The following MYO7A variants were observed in gnomAD, a reference collection of about 807,000 sequenced individuals.
MYO7A encodes the protein myosin VIIA.
Under a neutral mutation model 263.8 loss-of-function variants are expected in MYO7A, and 210 were observed. That is an observed-to-expected ratio of 0.80 (90% CI 0.71 to 0.89). MYO7A has a LOEUF of 0.89. MYO7A is among the 40% of genes least tolerant of loss of function. The pLI is 0.00. For missense variants in MYO7A, 2,820 were observed against 2,968.3 expected (o/e 0.95, Z 1.16); for synonymous variants, 1,239 against 1,197.3 (o/e 1.03, Z -0.72).
intron 46 of MYO7A, chr11:77,212,365 G>C: frequency 2.8e-6 from 1 of 361,622 alleles, no homozygotes; most frequent in South Asian, 2.1e-5. Flanking sequence ...TGAGAACTCA[G>C]GTCTGGGAAG....
chr11:77,173,868 T>C (rs1458878172), intron 16 of MYO7A, among the ~76,000 whole-genome samples: 1 of 151,934 alleles, frequency 6.6e-6, no homozygotes, highest in Non-Finnish European at 1.5e-5. Flanking sequence ...GAGCTCTCCC[T>C]CTAATGCAGG....
rs1555083027 is a variant in MYO7A at position 77,179,962 on chromosome 11, G to A, written c.2586+9G>A. On this transcript the variant is annotated intron_variant, in intron 21 of 48. Coordinates refer to ENST00000409709, the MANE Select transcript of MYO7A (RefSeq NM_000260.4). ...AACGCCTCAGGGCTGAGGTGAGGGA[G>A]CAAGTCCATAGCACCCACAGCTCTG... 69 of 1,516,676 alleles carry A rather than the reference G, an allele frequency of 4.5e-5. No homozygotes were observed. Among genetic ancestry groups the A allele is most frequent in the Non-Finnish European group, 6.1e-5 (69 of 1,131,222 alleles). 94.0% of individuals were successfully genotyped at this position (1,516,676 alleles called of 1,614,324 possible). A position where few individuals can be genotyped will look rare whatever the true frequency, so the allele number is the denominator to read the frequency against.
intron 44 of MYO7A, chr11:77,210,926 C>T (rs1167965011): frequency 1.9e-6 from 1 of 524,180 alleles, no homozygotes; most frequent in East Asian, 3.0e-5. Context: ...CAGACATGGC[C>T]ATGCACTCCA....
chr11:77,213,995 G>C lies in MYO7A; in HGVS notation c.6558+16G>C. ...GACGTCACTGGTGAGGGCGCATCCT[G>C]CTGGGCCTAGTGGGCTCCCTGCCTT... On this transcript the variant is annotated intron_variant, in intron 48 of 48. Transcript: ENST00000409709. 6.2e-7 allele frequency: 1 copy of C among 1,613,440 alleles called. No homozygotes were observed. The highest frequency in any genetic ancestry group is 8.5e-7 in the Non-Finnish European group (1 of 1,179,566).
At chr11:77,174,660 C>A in intron 16 of MYO7A, 96 bp from the exon 17 acceptor site, 1 of 1,355,058 alleles carries the variant, frequency 7.4e-7, no homozygotes, top group Non-Finnish European at 1.0e-6. Flanking sequence ...GTGGACTTGG[C>A]CTTTCTGAGC....
intron 17 of MYO7A, 63 bp downstream of exon 17, chr11:77,174,977 C>T: frequency 6.3e-7 from 1 of 1,585,036 alleles, no homozygotes; most frequent in Non-Finnish European, 8.6e-7. Flanking sequence ...GGCAAGGGTC[C>T]CAATTTTCTT....
At chr11:77,148,088 G>A in intron 4 of MYO7A, 138 bp downstream of exon 4, 2 of 808,214 alleles carry the variant, frequency 2.5e-6, no homozygotes, top group Non-Finnish European at 3.6e-6. Context: ...CTGTGCAGCT[G>A]GACCCCGGGG....
At position 77,182,555 on chromosome 11, in the gene MYO7A, G is replaced by A. The variant is rs1443413677; in HGVS notation, c.3240G>A (p.Lys1080=). 1 of 1,613,260 alleles carries A rather than the reference G, an allele frequency of 6.2e-7. No homozygotes were observed. The highest frequency in any genetic ancestry group is 1.3e-5 in the African/African-American group (1 of 74,954). Residue 1080 remains lysine (K), a synonymous_variant, in exon 25 of 49, where the codon AAG becomes AAA. Transcript: ENST00000409709. ...CCAAGATTTATGAGACCCTGGGCAA[G>A]AAGACGTACAAGAGGGAGCTGCAGG... ...VMTKIYETLG[K]KTYKRELQAL... is the part of the protein sequence containing the mutation.
chr11:77,180,589 T>G, intron 22 of MYO7A, 108 bp downstream of exon 22: 2 of 973,396 alleles, frequency 2.1e-6, no homozygotes, highest in Non-Finnish European at 3.1e-6. Flanking sequence ...CTTCCATCCT[T>G]CAGAATGGCC....
At chr11:77,167,809 G>A (rs1418800285) in intron 15 of MYO7A, among the ~76,000 whole-genome samples, 2 of 152,104 alleles carry the variant, frequency 1.3e-5, no homozygotes, top group Non-Finnish European at 2.9e-5. Context: ...CAGGAGCAAG[G>A]AGCTTGTCTG....
At chr11:77,193,831 G>A (rs1352560058) in intron 31 of MYO7A, among the ~76,000 whole-genome samples, 4 of 152,134 alleles carry the variant, frequency 2.6e-5, no homozygotes, top group African/African-American at 7.2e-5. Flanking sequence ...TTGGCTCTCT[G>A]AACCCTCTGC....
In MYO7A at chr11:77,179,957, AG is replaced by A; in HGVS notation, c.2586+7del. The A allele has an allele frequency of 6.6e-7, 1 of 1,518,864 alleles. No individual in the cohort carries two copies. 94.1% of individuals were successfully genotyped at this position (1,518,864 alleles called of 1,614,324 possible). On this transcript the variant is annotated splice_donor_5th_base_variant and intron_variant, in intron 21 of 48. Coordinates refer to ENST00000409709, the MANE Select transcript of MYO7A (RefSeq NM_000260.4). ...GCACCAACGCCTCAGGGCTGAGGTGAGGGAGCAAGTCCATAGCACCCACAGC... is the reference window on the plus strand; with the variant it reads ...GCACCAACGCCTCAGGGCTGAGGTGAGGAGCAAGTCCATAGCACCCACAGC...
intron 28 of MYO7A, among the ~76,000 whole-genome samples, 182 bp from the exon 29 acceptor site, chr11:77,189,838 G>A (rs1235309495): frequency 2.0e-5 from 3 of 152,234 alleles, no homozygotes; most frequent in African/African-American, 4.8e-5. Flanking sequence ...CTAAGCTAGC[G>A]GGAGGTGGGG....
At chr11:77,181,268 G>A in intron 22 of MYO7A, 112 bp from the exon 23 acceptor site, 3 of 930,530 alleles carry the variant, frequency 3.2e-6, no homozygotes, top group Non-Finnish European at 4.7e-6. Context: ...GCGGTCAGGA[G>A]GTGGGGACTG....
At chr11:77,150,779 A>C (rs1555056749) in intron 4 of MYO7A, among the ~76,000 whole-genome samples, 3 of 152,170 alleles carry the variant, frequency 2.0e-5, no homozygotes. Flanking sequence ...CTGGGGATCC[A>C]TGCTAAAGAA....
intron 44 of MYO7A, chr11:77,209,261 T>C (rs994117203): frequency 6.0e-6 from 1 of 165,892 alleles, no homozygotes; most frequent in East Asian, 1.7e-4. Flanking sequence ...GTTGTCCCCA[T>C]TTGACAGAGG....
In MYO7A at chr11:77,205,419, C is replaced by T. The variant is rs113422380; in HGVS notation, c.5481-43C>T. 4.3e-3 allele frequency: 6,688 copies of T among 1,540,824 alleles called. 203 individuals carry two copies. The African/African-American group carries it at 0.073, about 17-fold the overall frequency. On this transcript the variant is annotated intron_variant, in intron 39 of 48. Coordinates refer to ENST00000409709, the MANE Select transcript of MYO7A (RefSeq NM_000260.4). ...GGGGGTGCACAGGTCCTGTGACTCC[C>T]GATGGCAGCTGCCCCTGCTGGAGCC...
At chr11:77,139,158 A>G (rs569813434) in intron 2 of MYO7A, among the ~76,000 whole-genome samples, 9 of 152,316 alleles carry the variant, frequency 5.9e-5, no homozygotes, top group Admixed American at 1.3e-4. Context: ...TGAGGCCCAG[A>G]AAGATTGAGT....
Position 77,160,195 on chromosome 11 carries a change from T to C in MYO7A, c.1113T>C (p.Thr371=). ...VNPPDLMSCL[T]SRTLITRGET... is the part of the protein sequence containing the mutation. ...CCCCAGACCTGATGAGCTGCCTGAC[T>C]AGCCGCACCCTCATCACCCGCGGGG... The change falls in exon 11 of 49, where the codon ACT becomes ACC. Residue 371 remains threonine (T), a synonymous_variant. Coordinates refer to ENST00000409709, the MANE Select transcript of MYO7A (RefSeq NM_000260.4). 1 of 1,575,798 alleles carries C rather than the reference T, an allele frequency of 6.3e-7. No individual in the cohort carries two copies. The highest frequency in any genetic ancestry group is 1.2e-5 in the South Asian group (1 of 85,428).
Sources: allele counts gnomAD v4.1 joint callset (sites outside exome capture counted in the v4.1 genomes callset), GRCh38; gene constraint gnomAD v4.1.1; transcripts MANE v1.5; gene names NCBI Gene and HGNC (gene_info 2026-07-23, HGNC 2026-07-21).